COL26A1: variants seen among roughly 807,000 people sequenced by gnomAD.
COL26A1 encodes collagen alpha-1(XXVI) chain.
In COL26A1, 41 loss-of-function variants were observed where a neutral mutation model predicts 59.3. The ratio of observed to expected loss-of-function variants is 0.69; its 90% CI spans 0.54 to 0.90. The LOEUF (loss-of-function observed/expected upper bound fraction) is 0.90, where lower values mean the gene tolerates loss of function less well. COL26A1 is among the 40% of genes least tolerant of loss of function. The pLI is 0.00. For synonymous variants in COL26A1, 266 were observed against 256.0 expected, an observed-to-expected ratio of 1.04 and a Z score of -0.37; for missense variants, 612 against 602.3, an observed-to-expected ratio of 1.02 and a Z score of -0.17.
chr7:101,437,058 AC>A (rs1275993593), intron 2 of COL26A1, among the ~76,000 whole-genome samples: 1 of 152,008 alleles, frequency 6.6e-6, no homozygotes, highest in Non-Finnish European at 1.5e-5. Context: ...CGTTCTTTCC[AC>A]CAGTCTTCAC....
At chr7:101,379,257 A>G (rs9986906) in intron 1 of COL26A1, among the ~76,000 whole-genome samples, 9,236 of 152,032 alleles carry the variant, frequency 0.061, 644 homozygotes, top group African/African-American at 0.16. Context: ...GCCTCTTCCC[A>G]TCTTTTGTTC....
At position 101,363,039 on chromosome 7, in the gene COL26A1, C is replaced by G. The variant is rs1008097611; in HGVS notation, c.7C>G (p.Leu3Val). 4 of 1,578,520 alleles carry G rather than the reference C, an allele frequency of 2.5e-6. No homozygotes were observed. Among genetic ancestry groups the G allele is most frequent in the Non-Finnish European group, 3.4e-6 (4 of 1,171,564 alleles). The change falls in exon 1 of 13, where the codon CTG becomes GTG. Residue 3 changes from leucine (L) to valine (V), a missense_variant. By Grantham distance (32) the Leu-to-Val change is conservative. Coordinates refer to ENST00000313669, the MANE Select transcript of COL26A1 (RefSeq NM_001278563.3). MK[L>V]ALLLPWACCC... ...CCGCGGGCTGCTGCGCACGATGAAGCTGGCCCTGCTCCTGCCCTGGGCGTG... is the reference window on the plus strand; with the variant it reads ...CCGCGGGCTGCTGCGCACGATGAAGGTGGCCCTGCTCCTGCCCTGGGCGTG...
At chr7:101,363,331 C>G in intron 1 of COL26A1, 141 bp downstream of exon 1, 1 of 448,252 alleles carries the variant, frequency 2.2e-6, no homozygotes, top group East Asian at 1.1e-4. Context: ...GCAGCGGGGA[C>G]TGGGGGCTGC....
chr7:101,398,327 C>T (rs558469059), intron 1 of COL26A1, among the ~76,000 whole-genome samples: 41 of 152,306 alleles, frequency 2.7e-4, no homozygotes, highest in African/African-American at 9.6e-4. Context: ...CCAATGTCAC[C>T]TGGGAAGTCA....
In COL26A1 at chr7:101,460,064, A is replaced by G. The variant is rs115140306; in HGVS notation, c.385+12277A>G. Among the ~76,000 whole-genome samples the G allele has an allele frequency of 5.5e-3, 842 of 152,186 alleles. 6 individuals are homozygous for G. Among genetic ancestry groups the G allele is most frequent in the African/African-American group, 0.02 (817 of 41,538 alleles). On this transcript the variant is annotated intron_variant, in intron 3 of 12. Transcript: ENST00000313669. ...AAAGTGACTCCCCATGAATCTGATG[A>G]TGTTTCTGAGACTTGCCTTCCATAG... is the stretch of plus-strand genomic sequence containing the variant.
At chr7:101,543,848 G>A (rs1795669186) in intron 5 of COL26A1, 150 bp from the exon 6 acceptor site, 2 of 571,084 alleles carry the variant, frequency 3.5e-6, no homozygotes, top group Non-Finnish European at 6.4e-6. Context: ...CCAGCTCCAA[G>A]GTGATGTGAG....
At chr7:101,410,899 T>C (rs1276711914) in intron 1 of COL26A1, among the ~76,000 whole-genome samples, 1 of 151,914 alleles carries the variant, frequency 6.6e-6, no homozygotes, top group African/African-American at 2.4e-5. Context: ...AGAGCTGGGG[T>C]CTTGCTACGT....
At chr7:101,510,792 T>A (rs1179807879) in intron 3 of COL26A1, among the ~76,000 whole-genome samples, 1 of 152,190 alleles carries the variant, frequency 6.6e-6, no homozygotes, top group Non-Finnish European at 1.5e-5. Flanking sequence ...AACATTGGGA[T>A]TACAGGCGTG....
At chr7:101,507,993 A>T (rs1563018316) in intron 3 of COL26A1, among the ~76,000 whole-genome samples, 1 of 152,152 alleles carries the variant, frequency 6.6e-6, no homozygotes, top group Non-Finnish European at 1.5e-5. Context: ...GAGGACCATG[A>T]TATGATGGCG....
chr7:101,381,898 C>T, intron 1 of COL26A1, among the ~76,000 whole-genome samples: 1 of 152,106 alleles, frequency 6.6e-6, no homozygotes, highest in East Asian at 1.9e-4. Flanking sequence ...GTGCCAGATA[C>T]TGGGGAGCCT....
chr7:101,542,564 G>A (rs1229514148), intron 5 of COL26A1, among the ~76,000 whole-genome samples: 2 of 152,156 alleles, frequency 1.3e-5, no homozygotes, highest in Admixed American at 6.5e-5. Context: ...GAGCCCTTTG[G>A]AGGGGGCGCT....
At chr7:101,410,186 G>A (rs1792212152) in intron 1 of COL26A1, among the ~76,000 whole-genome samples, 1 of 152,186 alleles carries the variant, frequency 6.6e-6, no homozygotes, top group South Asian at 2.1e-4. Context: ...TTTCTGGGTG[G>A]TGGAGGGTCA....
intron 3 of COL26A1, among the ~76,000 whole-genome samples, chr7:101,491,881 C>T (rs939594526): frequency 1.3e-5 from 2 of 152,186 alleles, no homozygotes; most frequent in Non-Finnish European, 2.9e-5. Flanking sequence ...TAGATCTCAG[C>T]CTCATTTTGC....
intron 4 of COL26A1, among the ~76,000 whole-genome samples, chr7:101,539,314 G>T (rs567664246): frequency 6.6e-6 from 1 of 151,346 alleles, no homozygotes; most frequent in African/African-American, 2.4e-5. Flanking sequence ...GTGTGTGTGT[G>T]TGTGTGCGTA....
At chr7:101,501,185 C>CAAAAAAAA (rs58672929) in intron 3 of COL26A1, among the ~76,000 whole-genome samples, 1 of 74,438 alleles carries the variant, frequency 1.3e-5, no homozygotes, top group Non-Finnish European at 2.5e-5. Context: ...GACTCCGTCT[C>CAAAAAAAA]AAAAAAAAAA....
intron 4 of COL26A1, among the ~76,000 whole-genome samples, chr7:101,535,827 G>C (rs557389806): frequency 6.6e-6 from 1 of 152,194 alleles, no homozygotes; most frequent in African/African-American, 2.4e-5. Flanking sequence ...GGCAGCTCTC[G>C]AGTGGGGAGC....
chr7:101,405,115 A>T (rs946333274), intron 1 of COL26A1, among the ~76,000 whole-genome samples: 9 of 149,752 alleles, frequency 6.0e-5, no homozygotes, highest in Admixed American at 1.3e-4. Flanking sequence ...CCAGCTACTC[A>T]GGAGACCGAG....
At chr7:101,443,149 T>G (rs1369769112) in intron 2 of COL26A1, among the ~76,000 whole-genome samples, 2 of 152,114 alleles carry the variant, frequency 1.3e-5, no homozygotes, top group African/African-American at 2.4e-5. Flanking sequence ...AGGGGTGACC[T>G]TGGAACTAAG....
chr7:101,394,245 G>A lies in COL26A1; in HGVS notation c.159-25732G>A, dbSNP rs559821374. Among the ~76,000 whole-genome samples the A allele has an allele frequency of 2.0e-5, 3 of 152,302 alleles. No individual in the cohort carries two copies. The South Asian group carries it at 6.2e-4, about 32-fold the overall frequency. On this transcript the variant is annotated intron_variant, in intron 1 of 12. Transcript: ENST00000313669. ...GAAGCCTCCAGCCAAGGGACAGGGG[G>A]ATCTCTAGAAGCCAGGAAAGGCAAG... is the stretch of plus-strand genomic sequence containing the variant.
Sources: gnomAD v4.1 joint callset for allele counts (sites outside exome capture counted in the v4.1 genomes callset) on GRCh38, gnomAD v4.1.1 for gene constraint, MANE v1.5 for transcripts, NCBI Gene and HGNC (gene_info 2026-07-23, HGNC 2026-07-21) for gene names.